The following MYO15B variants were observed in gnomAD, a reference collection of about 807,000 sequenced individuals.
The protein encoded by MYO15B is myosin XVB, also known as myosin XVB pseudogene.
A neutral mutation model predicts 119.3 loss-of-function variants in MYO15B; 207 were observed. That is an observed-to-expected ratio of 1.73 (90% confidence interval 1.55 to 1.95). The LOEUF is 1.95. MYO15B is among the 30% of genes most tolerant of loss of function. The pLI is 0.00. For missense variants in MYO15B, 2,264 were observed against 1,203.1 expected (o/e 1.88, Z -13.04); for synonymous variants, 966 against 498.9 (o/e 1.94, Z -12.48).
Position 75,602,863 on chromosome 17 carries a change from C to T in MYO15B, c.3763C>T (p.Gln1255Ter), listed in dbSNP as rs1455290764. ...CAGCCTGTTCCAGGAGGCAGAGCCC[C>T]AGTCCAGGGGAGGGCGAGGCAGACC... The change falls in exon 17 of 64, where the codon CAG becomes TAG. Residue 1255 changes from glutamine (Q) to a stop codon, truncating the protein, a stop_gained. Transcript: ENST00000645453. LOFTEE classifies it high-confidence loss of function. 1 of 656,338 alleles carries T rather than the reference C, an allele frequency of 1.5e-6. No homozygotes were observed. The highest frequency in any genetic ancestry group is 2.8e-6 in the Non-Finnish European group (1 of 363,142). The allele number at this position is 656,338 out of a possible 1,614,324, so 40.7% of individuals were successfully genotyped here. A position where few individuals can be genotyped will look rare whatever the true frequency, so the allele number is the denominator to read the frequency against.
chr17:75,590,164 G>C, exon 1 of MYO15B: 1 of 399,116 alleles, frequency 2.5e-6, no homozygotes, highest in East Asian at 3.6e-5. Context: ...GCCGGGCCTG[G>C]AGGCGCCACC....
exon 63 of MYO15B, chr17:75,626,093 G>A (rs939145607): frequency 1.6e-5 from 11 of 702,858 alleles, no homozygotes; most frequent in East Asian, 2.7e-5. Flanking sequence ...CCCAGAGCCT[G>A]TACTGCCGCA....
chr17:75,609,890 C>T (rs1172400954), intron 21 of MYO15B, among the ~76,000 whole-genome samples: 2 of 151,490 alleles, frequency 1.3e-5, no homozygotes, highest in East Asian at 2.0e-4. Context: ...GGGGTTTCAC[C>T]ATGTTGGCCA....
In MYO15B at chr17:75,589,361, A is replaced by G. The variant is rs963541472; in HGVS notation, c.1304A>G (p.His435Arg). The change falls in exon 1 of 64, where the codon CAC (histidine) becomes CGC (arginine). Residue 435 changes from histidine (H) to arginine (R), a missense_variant. Transcript: ENST00000645453. This position sits in a 1 kb window ranked among gnomAD's most constrained non-coding sequence, Gnocchi z 4.2. ...GGGAAAGCGGATGAAGGGCGGGGCC[A>G]CGAGCGAGGGGACGAGGGTCGGGGC... 1 of 381,610 alleles carries G rather than the reference A, an allele frequency of 2.6e-6. No individual in the cohort carries two copies. The highest frequency in any genetic ancestry group is 4.6e-6 in the Non-Finnish European group (1 of 219,412). The allele number at this position is 381,610 out of a possible 1,614,324, so 23.6% of individuals were successfully genotyped here.
exon 59 of MYO15B, chr17:75,624,825 A>C (rs1598945089): frequency 1.4e-6 from 1 of 702,924 alleles, no homozygotes; most frequent in Non-Finnish European, 2.6e-6. Flanking sequence ...GTGGTAGTGG[A>C]CCAGGACGTG....
chr17:75,599,898 TAATA>T (rs1456939675), intron 14 of MYO15B, among the ~76,000 whole-genome samples: 1 of 8,582 alleles, frequency 1.2e-4, no homozygotes, highest in Non-Finnish European at 2.7e-4. Flanking sequence ...CGTCTCAAAA[TAATA>T]ATAATAATAA....
In MYO15B at chr17:75,603,030, A is replaced by C. The variant is rs1383914347; in HGVS notation, c.3846-2A>C. 1 of 703,260 alleles carries C rather than the reference A, an allele frequency of 1.4e-6. No homozygotes were observed. Among genetic ancestry groups the C allele is most frequent in the South Asian group, 1.5e-5 (1 of 67,600 alleles). 43.6% of individuals were successfully genotyped at this position (703,260 alleles called of 1,614,324 possible). ...CCGAGTGACCCCTCTTTCCCTCATC[A>C]GGAGCCATGTCTATTTCATCCAGTG... On this transcript the variant is annotated splice_acceptor_variant, in intron 17 of 63. Coordinates refer to ENST00000645453, the Ensembl canonical transcript of MYO15B. LOFTEE classifies it high-confidence loss of function.
intron 21 of MYO15B, among the ~76,000 whole-genome samples, chr17:75,609,802 T>G (rs1214723002): frequency 6.8e-6 from 1 of 147,326 alleles, no homozygotes; most frequent in African/African-American, 2.5e-5. Context: ...ACCTCCCAGG[T>G]TCAAGTGATT....
At chr17:75,624,512 C>T (rs1185380387) in intron 57 of MYO15B, 31 bp from the exon 58 acceptor site, 14 of 702,932 alleles carry the variant, frequency 2.0e-5, no homozygotes, top group African/African-American at 3.5e-5. Flanking sequence ...CAGCCTCCCT[C>T]CCCCTCATCA....
chr17:75,603,166 T>TGG (rs1486843220), intron 18 of MYO15B, 22 bp from the exon 19 acceptor site: 2 of 703,080 alleles, frequency 2.8e-6, no homozygotes, highest in Non-Finnish European at 2.6e-6. Flanking sequence ...CAGCTGTCTT[T>TGG]GGCTCTGTCT....
Position 75,624,466 on chromosome 17 carries a change from A to C in MYO15B, c.8445+19A>C. On this transcript the variant is annotated intron_variant, in intron 57 of 63. Coordinates refer to ENST00000645453, the Ensembl canonical transcript of MYO15B. ...TTTCACAGTGAGCTTGGGGGCCACC[A>C]AGGGAGGAGGCCTTGGGCATCAGTT... 1.4e-6 allele frequency: 1 copy of C among 702,958 alleles called. No homozygotes were observed. Among genetic ancestry groups the C allele is most frequent in the South Asian group, 1.5e-5 (1 of 67,580 alleles). The allele number at this position is 702,958 out of a possible 1,614,324, so 43.5% of individuals were successfully genotyped here. A position where few individuals can be genotyped will look rare whatever the true frequency, so the allele number is the denominator to read the frequency against.
At position 75,593,129 on chromosome 17, in the gene MYO15B, G is replaced by A. The variant is rs2056585743; in HGVS notation, c.2991+289G>A. On this transcript the variant is annotated intron_variant, in intron 9 of 63. Coordinates refer to ENST00000645453, the Ensembl canonical transcript of MYO15B. Reference sequence around the variant, plus strand: ...GATCCCAGCACTTTGGGAGGCCGAGGCAGGAGGATCGTGTGAAGCCAGGAG... The same window carrying A: ...GATCCCAGCACTTTGGGAGGCCGAGACAGGAGGATCGTGTGAAGCCAGGAG... 3 of 261,204 alleles carry A rather than the reference G, an allele frequency of 1.1e-5. No homozygotes were observed. The Admixed American group carries it at 1.7e-4, about 15-fold the overall frequency. 16.2% of individuals were successfully genotyped at this position (261,204 alleles called of 1,614,324 possible).
intron 21 of MYO15B, among the ~76,000 whole-genome samples, chr17:75,607,727 C>T (rs1313016307): frequency 2.0e-5 from 3 of 152,134 alleles, no homozygotes; most frequent in African/African-American, 7.2e-5. Flanking sequence ...TCTCAAAGTG[C>T]TGGGATTACA....
chr17:75,623,958 C>T (rs1168218293), exon 55 of MYO15B: 1 of 702,896 alleles, frequency 1.4e-6, no homozygotes, highest in African/African-American at 1.7e-5. Flanking sequence ...GGGAACACTG[C>T]ACTCGAGGCT....
exon 1 of MYO15B, chr17:75,588,925 G>C: frequency 2.5e-6 from 1 of 398,412 alleles, no homozygotes; most frequent in Non-Finnish European, 4.4e-6. Context: ...CGCCGAGCCA[G>C]AAACAATGCA....
chr17:75,611,695 C>T (rs1249595062), intron 24 of MYO15B, 37 bp downstream of exon 24: 5 of 702,616 alleles, frequency 7.1e-6, no homozygotes, highest in Non-Finnish European at 1.0e-5. Context: ...AGGACTCCTT[C>T]TCCAGTCCCT....
exon 21 of MYO15B, chr17:75,605,903 C>T (rs2057615209): frequency 4.3e-6 from 3 of 702,028 alleles, no homozygotes; most frequent in African/African-American, 3.5e-5. Context: ...GCTGGAGGAG[C>T]TCCGGGACCA....
Position 75,592,235 on chromosome 17 carries a change from C to T in MYO15B, c.2652-3C>T, listed in dbSNP as rs771410577. ...CACTCACACCCATCTTCTGTGCCCA[C>T]AGAGGGGTCATCGTGGGAGCCTCTG... On this transcript the variant is annotated splice_region_variant and splice_polypyrimidine_tract_variant and intron_variant, in intron 6 of 63. Coordinates refer to ENST00000645453, the Ensembl canonical transcript of MYO15B. The T allele has an allele frequency of 4.3e-6, 3 of 702,854 alleles. No individual in the cohort carries two copies. The highest frequency in any genetic ancestry group is 3.0e-5 in the South Asian group (2 of 67,604). 43.5% of individuals were successfully genotyped at this position (702,854 alleles called of 1,614,324 possible).
chr17:75,621,201 T>A (rs1267369175), intron 50 of MYO15B, 25 bp downstream of exon 50: 1 of 675,078 alleles, frequency 1.5e-6, no homozygotes, highest in East Asian at 2.7e-5. Context: ...CCAACCCCTG[T>A]GCCTGTCTGT....
Sources: allele counts gnomAD v4.1 joint callset (sites outside exome capture counted in the v4.1 genomes callset), GRCh38; gene constraint gnomAD v4.1.1; non-coding constraint Gnocchi (gnomAD v3.1); transcripts MANE v1.5; gene names NCBI Gene and HGNC (gene_info 2026-07-23, HGNC 2026-07-21).